The following ATAD1 variants were observed in gnomAD, a reference collection of about 807,000 sequenced individuals.
The protein encoded by ATAD1 is ATPase family AAA domain containing 1.
ATAD1 carries 18 observed loss-of-function variants against 42.7 expected under a neutral mutation model. That is an observed-to-expected ratio of 0.42 (90% CI 0.29 to 0.63). ATAD1 has a LOEUF of 0.63. Ranked by LOEUF, ATAD1 falls within the 20% of genes least tolerant of loss-of-function variation. The probability of loss-of-function intolerance (pLI) is 0.19; values close to 1 mark genes in which losing one functional copy is unlikely to be tolerated. For synonymous variants in ATAD1, 132 were observed against 143.1 expected (o/e 0.92, Z 0.55); for missense variants, 294 against 440.4 (o/e 0.67, Z 2.98).
intron 2 of ATAD1, among the ~76,000 whole-genome samples, chr10:87,812,636 T>G (rs1857239575): frequency 1.3e-5 from 2 of 152,138 alleles, no homozygotes; most frequent in South Asian, 4.2e-4. Flanking sequence ...GCTATAGCCG[T>G]TGGCCAAGCA....
At chr10:87,772,108 A>ATTTG (rs964843423) in intron 6 of ATAD1, among the ~76,000 whole-genome samples, 1 of 152,228 alleles carries the variant, frequency 6.6e-6, no homozygotes, top group African/African-American at 2.4e-5. Context: ...AATTTGAAAA[A>ATTTG]TGTTAGTTCC....
At chr10:87,819,768 G>A (rs1857593078), upstream of ATAD1, among the ~76,000 whole-genome samples, 1 of 152,146 alleles carries the variant, frequency 6.6e-6, no homozygotes, top group Non-Finnish European at 1.5e-5. Flanking sequence ...TTTTCTCTTT[G>A]AGATGGTAAT....
Position 87,841,025 on chromosome 10 carries a change from C to A in ATAD1, c.-14+162G>T, listed in dbSNP as rs181357501. ...AAAAAAACTGCTAGCATGAGAAGTA[C>A]AAAGGTACAAAGATTTACCTAGTAA... On this transcript the variant is annotated intron_variant, in intron 1 of 4. Coordinates refer to the ATAD1 transcript ENST00000495903. Among the ~76,000 whole-genome samples, 98 of 151,832 alleles carry A rather than the reference C, an allele frequency of 6.5e-4. No homozygotes were observed. The East Asian group carries it at 0.017, about 26-fold the overall frequency.
chr10:87,759,520 C>T (rs1474569145), intron 8 of ATAD1, among the ~76,000 whole-genome samples: 2 of 152,150 alleles, frequency 1.3e-5, no homozygotes, highest in East Asian at 3.8e-4. Flanking sequence ...ATTAAACATC[C>T]AACACTTCCT....
intron 4 of ATAD1, among the ~76,000 whole-genome samples, chr10:87,788,146 G>A (rs558381450): frequency 9.2e-5 from 14 of 152,258 alleles, no homozygotes; most frequent in African/African-American, 2.9e-4. Flanking sequence ...CTTCAACTTT[G>A]TATCTATACA....
In ATAD1 at chr10:87,792,772, A is replaced by G; in HGVS notation, c.163-17T>C. 1 of 1,577,944 alleles carries G rather than the reference A, an allele frequency of 6.3e-7. No homozygotes were observed. Among genetic ancestry groups the G allele is most frequent in the South Asian group, 1.1e-5 (1 of 90,312 alleles). On this transcript the variant is annotated splice_polypyrimidine_tract_variant and intron_variant, in intron 2 of 9. Transcript: ENST00000680024. ...TTTTTCTGCCTAGAATGAAAAGAAC[A>G]AACAACCTGCTTTGATTTGATATTT...
At chr10:87,787,481 G>A (rs139694277) in intron 4 of ATAD1, among the ~76,000 whole-genome samples, 54 of 152,206 alleles carry the variant, frequency 3.5e-4, no homozygotes, top group Admixed American at 1.7e-3. Context: ...AGGCAGGCAT[G>A]GTGGTACATG....
At position 87,835,852 on chromosome 10, in the gene ATAD1, A is replaced by T. The variant is rs370026632; in HGVS notation, c.-14+5335T>A. On this transcript the variant is annotated intron_variant, in intron 1 of 4. Transcript: ENST00000495903. ...TTTTTAATGATTGGGATCAAAATAT[A>T]AATATTTAATTTTACACAACCTACT... Among the ~76,000 whole-genome samples the T allele has an allele frequency of 3.3e-5, 5 of 152,316 alleles. No individual in the cohort carries two copies. In the South Asian group the frequency reaches 1.0e-3, roughly 32 times the overall value.
intron 1 of ATAD1, among the ~76,000 whole-genome samples, chr10:87,828,310 T>C (rs2132105651): frequency 6.6e-6 from 1 of 152,256 alleles, no homozygotes; most frequent in Middle Eastern, 3.4e-3. Flanking sequence ...AGTGAATAAA[T>C]GCATGATAAG....
At chr10:87,796,459 C>G (rs1471830098) in intron 2 of ATAD1, among the ~76,000 whole-genome samples, 1 of 152,194 alleles carries the variant, frequency 6.6e-6, no homozygotes, top group African/African-American at 2.4e-5. Flanking sequence ...AAGCCCCCTC[C>G]CTGCTTCAAG....
upstream of ATAD1, among the ~76,000 whole-genome samples, chr10:87,822,992 G>C (rs1384357062): frequency 2.0e-5 from 3 of 148,946 alleles, no homozygotes; most frequent in African/African-American, 4.9e-5. Flanking sequence ...GAAAGAATAA[G>C]ATAGAATCAA....
At chr10:87,813,048 A>C (rs917654163) in intron 2 of ATAD1, among the ~76,000 whole-genome samples, 5 of 152,186 alleles carry the variant, frequency 3.3e-5, no homozygotes, top group Non-Finnish European at 7.4e-5. Context: ...CATAATATCT[A>C]ATGTTTCATA....
At chr10:87,780,782 TTTG>T in intron 5 of ATAD1, among the ~76,000 whole-genome samples, 1 of 152,350 alleles carries the variant, frequency 6.6e-6, no homozygotes, top group Non-Finnish European at 1.5e-5. Context: ...AAGGTTCTGC[TTTG>T]TTGTTAACAT....
At chr10:87,840,521 C>A (rs145690458) in intron 1 of ATAD1, among the ~76,000 whole-genome samples, 4 of 152,076 alleles carry the variant, frequency 2.6e-5, no homozygotes, top group Non-Finnish European at 5.9e-5. Context: ...TTCATCAGAA[C>A]TTGTTTGAAA....
intron 4 of ATAD1, among the ~76,000 whole-genome samples, chr10:87,788,445 A>G (rs1181446760): frequency 6.6e-6 from 1 of 152,246 alleles, no homozygotes; most frequent in Non-Finnish European, 1.5e-5. Context: ...ATTCTTGATT[A>G]AAAATTGTCC....
At chr10:87,795,825 C>T (rs1026255697) in intron 2 of ATAD1, among the ~76,000 whole-genome samples, 1 of 152,094 alleles carries the variant, frequency 6.6e-6, no homozygotes, top group African/African-American at 2.4e-5. Flanking sequence ...TCTAAAGATT[C>T]ATAAAATTGT....
intron 1 of ATAD1, among the ~76,000 whole-genome samples, chr10:87,832,437 G>T (rs1857850071): frequency 6.6e-6 from 1 of 151,098 alleles, no homozygotes; most frequent in Non-Finnish European, 1.5e-5. Context: ...TGTTTGTGTG[G>T]GACTGTTTCT....
intron 1 of ATAD1, among the ~76,000 whole-genome samples, chr10:87,824,059 T>C (rs1857680154): frequency 6.7e-6 from 1 of 149,270 alleles, no homozygotes; most frequent in South Asian, 2.1e-4. Context: ...AGTACTCAGC[T>C]CACAGAATTA....
At chr10:87,774,070 CA>C (rs1439916452) in intron 6 of ATAD1, among the ~76,000 whole-genome samples, 1 of 152,148 alleles carries the variant, frequency 6.6e-6, no homozygotes, top group Admixed American at 6.5e-5. Context: ...TACACTTTCA[CA>C]AACATAATGT....
Sources: allele counts gnomAD v4.1 joint callset (sites outside exome capture counted in the v4.1 genomes callset), GRCh38; gene constraint gnomAD v4.1.1; transcripts MANE v1.5; gene names NCBI Gene and HGNC (gene_info 2026-07-23, HGNC 2026-07-21).